Variants in FMNL2 observed in about 807,000 individuals in gnomAD.
FMNL2 encodes formin-like protein 2.
In FMNL2, 51 loss-of-function variants were observed where a neutral mutation model predicts 130.2. That is an observed-to-expected ratio of 0.39 (90% CI 0.31 to 0.49). The LOEUF (loss-of-function observed/expected upper bound fraction) is 0.49, where lower values mean the gene tolerates loss of function less well. Ranked by LOEUF, FMNL2 falls within the 20% of genes least tolerant of loss-of-function variation. The pLI, the probability that FMNL2 is intolerant of heterozygous loss-of-function variation, is 0.85. For synonymous variants in FMNL2, 465 were observed against 467.1 expected, an observed-to-expected ratio of 1.00 and a Z score of 0.06; for missense variants, 977 against 1,316.2, an observed-to-expected ratio of 0.74 and a Z score of 3.99.
intron 1 of FMNL2, among the ~76,000 whole-genome samples, chr2:152,367,073 G>GTGTGT (rs1553869242): frequency 5.7e-5 from 5 of 88,184 alleles, no homozygotes; most frequent in Non-Finnish European, 8.9e-5. Flanking sequence ...GTGTGTGTGT[G>GTGTGT]TTTGTTTTTT....
At chr2:152,527,792 C>G (rs1039662616) in intron 2 of FMNL2, among the ~76,000 whole-genome samples, 8 of 152,146 alleles carry the variant, frequency 5.3e-5, no homozygotes, top group Admixed American at 1.3e-4. Flanking sequence ...TCACATGACC[C>G]TCTTAATCCT....
chr2:152,364,807 TTC>T (rs1445903823), intron 1 of FMNL2, among the ~76,000 whole-genome samples: 1 of 152,238 alleles, frequency 6.6e-6, no homozygotes, highest in Non-Finnish European at 1.5e-5. Context: ...GAATTCAGAA[TTC>T]TCTCTCATGA....
intron 9 of FMNL2, among the ~76,000 whole-genome samples, chr2:152,585,278 T>G (rs1022572473): frequency 1.6e-4 from 25 of 152,126 alleles, no homozygotes; most frequent in African/African-American, 6.0e-4. Flanking sequence ...GAGTCATCTA[T>G]TTTTTCTTAT....
At chr2:152,647,727 G>T in intron 25 of FMNL2, 69 bp from the exon 26 acceptor site, 1 of 1,454,338 alleles carries the variant, frequency 6.9e-7, no homozygotes, top group South Asian at 1.1e-5. Flanking sequence ...CTGCCAGCTG[G>T]CCTTTGTCCT....
intron 11 of FMNL2, 40 bp downstream of exon 11, chr2:152,611,645 G>T: frequency 1.5e-6 from 2 of 1,314,470 alleles, no homozygotes; most frequent in South Asian, 2.5e-5. Context: ...TATAAGAATT[G>T]ACTTATTATT....
At chr2:152,364,987 T>C (rs993073607) in intron 1 of FMNL2, among the ~76,000 whole-genome samples, 23 of 152,266 alleles carry the variant, frequency 1.5e-4, no homozygotes, top group African/African-American at 5.1e-4. Flanking sequence ...CACCTATGTA[T>C]TGCACACCTG....
intron 9 of FMNL2, among the ~76,000 whole-genome samples, chr2:152,595,435 C>G (rs1030536761): frequency 1.3e-5 from 2 of 152,190 alleles, no homozygotes; most frequent in African/African-American, 2.4e-5. Context: ...GTTCTCATGC[C>G]TCAGGCTCCT....
chr2:152,419,404 G>A (rs766971898), intron 1 of FMNL2, among the ~76,000 whole-genome samples: 4 of 152,006 alleles, frequency 2.6e-5, no homozygotes, highest in Non-Finnish European at 4.4e-5. Flanking sequence ...TGTCATTTGC[G>A]ACAACATGAG....
chr2:152,434,672 C>T (rs1205176931), intron 1 of FMNL2, among the ~76,000 whole-genome samples: 3 of 151,962 alleles, frequency 2.0e-5, no homozygotes, highest in African/African-American at 7.3e-5. Context: ...AACTGGCCTA[C>T]TCCTGCTTGC....
At position 152,524,190 on chromosome 2, in the gene FMNL2, T is replaced by A. The variant is rs200364729; in HGVS notation, c.201+2164T>A. On this transcript the variant is annotated intron_variant, in intron 2 of 25. Transcript: ENST00000288670. ...CATGTTGAAGATAAATATTTCTTAA[T>A]ATGACAGATGCTGATAGGAATAGAG... 1.6e-4 allele frequency among the ~76,000 whole-genome samples: 25 copies of A among 152,346 alleles called. No homozygotes were observed. The East Asian group carries it at 4.8e-3, about 29-fold the overall frequency.
chr2:152,611,414 A>C (rs1182363461), intron 10 of FMNL2, 81 bp from the exon 11 acceptor site: 2 of 678,132 alleles, frequency 2.9e-6, no homozygotes, highest in Admixed American at 2.9e-5. Flanking sequence ...AGCCTTTTTT[A>C]TGAAATTGAA....
intron 1 of FMNL2, among the ~76,000 whole-genome samples, chr2:152,436,314 AT>A (rs1249659892): frequency 6.6e-6 from 1 of 151,744 alleles, no homozygotes; most frequent in Non-Finnish European, 1.5e-5. Flanking sequence ...ATGCTTGGCT[AT>A]TTTTTCCAAT....
At position 152,636,491 on chromosome 2, in the gene FMNL2, A is replaced by G; in HGVS notation, c.2745A>G (p.Arg915=). 6.2e-6 allele frequency: 10 copies of G among 1,611,100 alleles called. No homozygotes were observed. Among genetic ancestry groups the G allele is most frequent in the Non-Finnish European group, 8.5e-6 (10 of 1,178,534 alleles). ...ELQRGMDLTK[R]EYTMHDHNTL... is the part of the protein sequence containing the mutation. Reference sequence around the variant, plus strand: ...AGAGGGGAATGGACTTGACCAAGAGAGAGTACACCATGCATGACCATAACA... The same window carrying G: ...AGAGGGGAATGGACTTGACCAAGAGGGAGTACACCATGCATGACCATAACA... The change falls in exon 22 of 26, where the codon AGA becomes AGG. Residue 915 remains arginine (R), a synonymous_variant. Transcript: ENST00000288670.
rs758863074 is a variant in FMNL2, at chr2:152,335,570, C to A, written c.-34C>A. 1 of 1,551,074 alleles carries A rather than the reference C, an allele frequency of 6.4e-7. No individual in the cohort carries two copies. Among genetic ancestry groups the A allele is most frequent in the Non-Finnish European group, 8.7e-7 (1 of 1,143,382 alleles). On this transcript the variant is annotated 5_prime_UTR_variant, in exon 1 of 26. Coordinates refer to ENST00000288670, the MANE Select transcript of FMNL2 (RefSeq NM_052905.4). Reference sequence around the variant, plus strand: ...GATTTCCGACGCGCACGCTAGGGGCCCGGAGCAGCCCCCGGCCCCGGCGCG... The same window carrying A: ...GATTTCCGACGCGCACGCTAGGGGCACGGAGCAGCCCCCGGCCCCGGCGCG...
chr2:152,467,728 C>A lies in FMNL2; in HGVS notation c.118-54215C>A, dbSNP rs1689631740. Among the ~76,000 whole-genome samples, 3 of 152,224 alleles carry A rather than the reference C, an allele frequency of 2.0e-5. No individual in the cohort carries two copies. The South Asian group carries it at 6.2e-4, about 31-fold the overall frequency. On this transcript the variant is annotated intron_variant, in intron 1 of 25. Coordinates refer to ENST00000288670, the MANE Select transcript of FMNL2 (RefSeq NM_052905.4). The stretch of plus-strand genomic sequence containing the variant: ...TTTATCAGTATGTACACAGCATATG[C>A]ATGTGTGCACACAATAGGTTTTGCC...
intron 1 of FMNL2, among the ~76,000 whole-genome samples, chr2:152,439,790 T>G (rs1687961216): frequency 6.7e-6 from 1 of 149,386 alleles, no homozygotes; most frequent in African/African-American, 2.5e-5. Context: ...CATATTTAAG[T>G]TAATTTGGTC....
chr2:152,368,242 A>G (rs899268719), intron 1 of FMNL2, among the ~76,000 whole-genome samples: 4 of 152,138 alleles, frequency 2.6e-5, no homozygotes, highest in Non-Finnish European at 5.9e-5. Context: ...TAATAACTGA[A>G]GTTTGTGTGA....
chr2:152,629,524 A>T, intron 18 of FMNL2, 132 bp from the exon 19 acceptor site: 1 of 746,608 alleles, frequency 1.3e-6, no homozygotes, highest in Non-Finnish European at 2.2e-6. Flanking sequence ...TAGAAAAAGT[A>T]GACTCTCACC....
intron 8 of FMNL2, among the ~76,000 whole-genome samples, chr2:152,580,212 T>C (rs933779215): frequency 2.0e-4 from 31 of 152,328 alleles, no homozygotes; most frequent in African/African-American, 7.2e-4. Context: ...AAAGCTGTTA[T>C]TCCAGAAAAA....
Sources: allele counts gnomAD v4.1 joint callset (sites outside exome capture counted in the v4.1 genomes callset), GRCh38; gene constraint gnomAD v4.1.1; transcripts MANE v1.5; gene names NCBI Gene and HGNC (gene_info 2026-07-23, HGNC 2026-07-21).